Variants in ATP11B observed in about 807,000 individuals in gnomAD.
ATP11B encodes ATPase phospholipid transporting 11B (putative).
A neutral mutation model predicts 157.8 loss-of-function variants in ATP11B; 81 were observed. The ratio of observed to expected loss-of-function variants is 0.51; its 90% CI spans 0.43 to 0.62. The LOEUF (loss-of-function observed/expected upper bound fraction) is 0.62. Among genes scored for constraint, ATP11B ranks in the 20% least tolerant of loss-of-function variants. ATP11B has a pLI of 0.00. For synonymous variants in ATP11B, 451 were observed against 469.4 expected (o/e 0.96, Z 0.51); for missense variants, 1,165 against 1,402.2 (o/e 0.83, Z 2.70).
intron 25 of ATP11B, among the ~76,000 whole-genome samples, chr3:182,895,518 A>G (rs2108576507): frequency 6.6e-6 from 1 of 152,326 alleles, no homozygotes; most frequent in Non-Finnish European, 1.5e-5. Flanking sequence ...TAAGTAAATG[A>G]TAATTGTTAG....
intron 22 of ATP11B, among the ~76,000 whole-genome samples, 177 bp from the exon 23 acceptor site, chr3:182,885,774 A>G (rs1456200843): frequency 1.3e-5 from 2 of 152,082 alleles, no homozygotes; most frequent in African/African-American, 4.8e-5. Context: ...GTTTTTAGAC[A>G]TTTTTTGATA....
rs148105504 is a variant in ATP11B, at chr3:182,907,268, T to C, written c.3319-6593T>C. Among the ~76,000 whole-genome samples the C allele has an allele frequency of 9.3e-3, 1,417 of 152,330 alleles. 21 individuals are homozygous for C. The highest frequency in any genetic ancestry group is 0.032 in the African/African-American group (1,345 of 41,576). Reference sequence around the variant, plus strand: ...CTAATAATTGTATTATTTGGACTAATTGCTATTTTATTTATTGTAATTACT... The same window carrying C: ...CTAATAATTGTATTATTTGGACTAACTGCTATTTTATTTATTGTAATTACT... On this transcript the variant is annotated intron_variant, in intron 28 of 29. Coordinates refer to ENST00000323116, the MANE Select transcript of ATP11B (RefSeq NM_014616.3).
intron 8 of ATP11B, chr3:182,843,994 TAGTG>T (rs1016071299): frequency 6.6e-6 from 1 of 152,148 alleles, no homozygotes; most frequent in Non-Finnish European, 1.5e-5. Flanking sequence ...TATAGGGAAA[TAGTG>T]AGAAATGTGT....
intron 1 of ATP11B, among the ~76,000 whole-genome samples, chr3:182,814,545 C>T (rs1306416092): frequency 6.6e-6 from 1 of 152,124 alleles, no homozygotes; most frequent in Non-Finnish European, 1.5e-5. Flanking sequence ...CAGTGGCTCA[C>T]AGCTGTAATC....
intron 12 of ATP11B, among the ~76,000 whole-genome samples, chr3:182,861,908 C>T (rs1229780391): frequency 6.7e-6 from 1 of 150,114 alleles, no homozygotes; most frequent in Non-Finnish European, 1.5e-5. Flanking sequence ...CACACCACTG[C>T]ACTCCAGCCT....
chr3:182,820,776 G>A (rs1161980276), intron 2 of ATP11B, among the ~76,000 whole-genome samples: 2 of 152,106 alleles, frequency 1.3e-5, no homozygotes. Context: ...TCAAGAAAAC[G>A]GTGGTCGATT....
At chr3:182,801,882 A>T (rs1457666843) in intron 1 of ATP11B, among the ~76,000 whole-genome samples, 4 of 152,204 alleles carry the variant, frequency 2.6e-5, no homozygotes, top group African/African-American at 7.2e-5. Flanking sequence ...TGTATTGCTA[A>T]TAAATTTACT....
At chr3:182,854,890 G>C (rs1270437772) in intron 10 of ATP11B, among the ~76,000 whole-genome samples, 1 of 151,830 alleles carries the variant, frequency 6.6e-6, no homozygotes, top group Non-Finnish European at 1.5e-5. Flanking sequence ...CTTTTCAGCT[G>C]AAAATTACAA....
At chr3:182,817,066 C>T (rs1037659410) in intron 1 of ATP11B, among the ~76,000 whole-genome samples, 4 of 151,958 alleles carry the variant, frequency 2.6e-5, no homozygotes, top group African/African-American at 9.7e-5. Context: ...AAATGCAGGC[C>T]ATTGACTATA....
chr3:182,911,354 A>G (rs1213774458), intron 28 of ATP11B, among the ~76,000 whole-genome samples: 2 of 144,364 alleles, frequency 1.4e-5, no homozygotes, highest in African/African-American at 5.2e-5. Context: ...CAGTACCACT[A>G]ACAGCAGCTG....
At chr3:182,812,023 T>C (rs1403586021) in intron 1 of ATP11B, among the ~76,000 whole-genome samples, 1 of 152,184 alleles carries the variant, frequency 6.6e-6, no homozygotes, top group Admixed American at 6.5e-5. Context: ...CCATCCACCT[T>C]TTTTCTACTT....
At chr3:182,896,550 A>T (rs1211715577) in intron 25 of ATP11B, 150 bp from the exon 26 acceptor site, 4 of 644,516 alleles carry the variant, frequency 6.2e-6, no homozygotes, top group Non-Finnish European at 1.1e-5. Context: ...TGTTCTTCTC[A>T]TACTTTTAAC....
chr3:182,866,341 A>G lies in ATP11B; in HGVS notation c.1517A>G (p.Asp506Gly). The G allele has an allele frequency of 1.2e-6, 2 of 1,613,930 alleles. No individual in the cohort carries two copies. Among genetic ancestry groups the G allele is most frequent in the South Asian group, 2.2e-5 (2 of 91,028 alleles). Residue 506 changes from aspartate (D) to glycine (G), a missense_variant, in exon 14 of 30, where the codon GAC (aspartate) becomes GGC (glycine). This residue lies in a region of ATP11B where 737 missense variants were observed against 930.5 expected (regional missense o/e 0.79). Transcript: ENST00000323116. Reference sequence around the variant, plus strand: ...GTACAGATTAGCAATGTTCAAACTGACTGCACTGGTGATGGTCCCTGGCAA... The same window carrying G: ...GTACAGATTAGCAATGTTCAAACTGGCTGCACTGGTGATGGTCCCTGGCAA... ...HTVQISNVQT[D>G]CTGDGPWQSN...
In ATP11B at chr3:182,869,062, A is replaced by T. The variant is rs558618561; in HGVS notation, c.1689-16A>T. On this transcript the variant is annotated splice_polypyrimidine_tract_variant and intron_variant, in intron 15 of 29. Transcript: ENST00000323116. ...AAAAAGTAAAGTTTTTGTCTTTCTT[A>T]CTTTCTTTTGTTTAGGTACAAACTG... 3 of 1,558,874 alleles carry T rather than the reference A, an allele frequency of 1.9e-6. No homozygotes were observed. Among genetic ancestry groups the T allele is most frequent in the South Asian group, 2.4e-5 (2 of 83,466 alleles).
chr3:182,883,118 G>A (rs905572786), intron 21 of ATP11B, among the ~76,000 whole-genome samples: 3 of 152,100 alleles, frequency 2.0e-5, no homozygotes, highest in Non-Finnish European at 2.9e-5. Context: ...TTTAAAGTAT[G>A]CCTATTGACA....
At chr3:182,855,516 A>T (rs1260267853) in intron 10 of ATP11B, among the ~76,000 whole-genome samples, 2 of 152,304 alleles carry the variant, frequency 1.3e-5, no homozygotes, top group Middle Eastern at 3.4e-3. Flanking sequence ...AAATCAAAAA[A>T]ATTAATAAGT....
At chr3:182,813,048 TCTTC>T (rs1716764144) in intron 1 of ATP11B, among the ~76,000 whole-genome samples, 1 of 152,256 alleles carries the variant, frequency 6.6e-6, no homozygotes, top group South Asian at 2.1e-4. Flanking sequence ...GCCAACATTT[TCTTC>T]CTTTTTAATG....
intron 25 of ATP11B, among the ~76,000 whole-genome samples, chr3:182,896,008 A>C (rs540444688): frequency 6.6e-6 from 1 of 152,340 alleles, no homozygotes; most frequent in African/African-American, 2.4e-5. Context: ...GAGCTTACAA[A>C]ACGATGCAGT....
rs143403016 is a variant in ATP11B, at chr3:182,898,711, T to C, written c.3257T>C (p.Leu1086Pro). The change falls in exon 28 of 30, where the codon CTT (leucine) becomes CCT (proline). Residue 1086 changes from leucine to proline, a missense_variant. Around this residue, in one of 4 missense-constraint regions of ATP11B, gnomAD observed 303 missense variants for 296.3 expected, o/e 1.02. Coordinates refer to ENST00000323116, the MANE Select transcript of ATP11B (RefSeq NM_014616.3). ...CTCATGGTTGTTACATGTCTATTTC[T>C]TGATATCATAAAGAAGGTCTTTGAC... ...IILMVVTCLF[L>P]DIIKKVFDRH... 5 of 1,599,824 alleles carry C rather than the reference T, an allele frequency of 3.1e-6. No individual in the cohort carries two copies. The African/African-American group carries it at 6.7e-5, about 22-fold the overall frequency.
Sources: allele counts gnomAD v4.1 joint callset (sites outside exome capture counted in the v4.1 genomes callset), GRCh38; gene constraint gnomAD v4.1.1; regional missense constraint gnomAD v4.1.1; transcripts MANE v1.5; gene names NCBI Gene and HGNC (gene_info 2026-07-23, HGNC 2026-07-21).